Variants in ANKRD44 observed in about 807,000 individuals in gnomAD.
The protein encoded by ANKRD44 is serine/threonine-protein phosphatase 6 regulatory ankyrin repeat subunit B.
Under a neutral mutation model 116.0 loss-of-function variants are expected in ANKRD44, and 35 were observed. That is an observed-to-expected ratio of 0.30 (90% CI 0.23 to 0.40). ANKRD44 has a LOEUF of 0.40. ANKRD44 is among the 10% of genes least tolerant of loss of function. The pLI, the probability that ANKRD44 is intolerant of heterozygous loss-of-function variation, is 1.00. For missense variants in ANKRD44, 1,014 were observed against 1,242.6 expected, an observed-to-expected ratio of 0.82 and a Z score of 2.77; for synonymous variants, 435 against 461.8, an observed-to-expected ratio of 0.94 and a Z score of 0.74.
At chr2:197,231,432 A>T (rs116803931) in intron 1 of ANKRD44, among the ~76,000 whole-genome samples, 4,776 of 148,112 alleles carry the variant, frequency 0.032, 106 homozygotes, top group South Asian at 0.075. Flanking sequence ...TTAACTCTTT[A>T]AAAAAAAAAA....
intron 1 of ANKRD44, among the ~76,000 whole-genome samples, chr2:197,233,558 G>T (rs1363063701): frequency 2.6e-5 from 4 of 152,124 alleles, no homozygotes; most frequent in African/African-American, 9.7e-5. Context: ...AGAGACTGTG[G>T]TCTCACTATG....
At chr2:197,121,861 T>A (rs1343014357) in intron 7 of ANKRD44, among the ~76,000 whole-genome samples, 1 of 151,856 alleles carries the variant, frequency 6.6e-6, no homozygotes, top group Non-Finnish European at 1.5e-5. Flanking sequence ...GAGAAGTAAA[T>A]CAGAGGAGAA....
intron 1 of ANKRD44, among the ~76,000 whole-genome samples, chr2:197,220,469 A>C (rs1574301320): frequency 1.3e-5 from 2 of 152,158 alleles, no homozygotes; most frequent in Non-Finnish European, 2.9e-5. Flanking sequence ...TTTCAAGATG[A>C]GAAATATGAT....
chr2:197,297,669 C>G (rs1271946936), intron 1 of ANKRD44, among the ~76,000 whole-genome samples: 2 of 152,172 alleles, frequency 1.3e-5, no homozygotes, highest in Non-Finnish European at 2.9e-5. Context: ...CTTTAGTATT[C>G]TAAATATACA....
chr2:197,275,206 G>A (rs546677364), intron 1 of ANKRD44, among the ~76,000 whole-genome samples: 15 of 151,456 alleles, frequency 9.9e-5, no homozygotes, highest in South Asian at 8.3e-4. Flanking sequence ...CCTCAACCTC[G>A]CGGGCTCAAG....
At chr2:197,269,561 A>C (rs1051674358) in intron 1 of ANKRD44, among the ~76,000 whole-genome samples, 6 of 152,112 alleles carry the variant, frequency 3.9e-5, no homozygotes, top group African/African-American at 1.4e-4. Flanking sequence ...GGGGCAGGGG[A>C]AGAAGGAGAA....
intron 2 of ANKRD44, among the ~76,000 whole-genome samples, chr2:197,154,595 C>T (rs896408267): frequency 4.6e-5 from 7 of 152,144 alleles, no homozygotes; most frequent in African/African-American, 1.7e-4. Flanking sequence ...GGTTATTAGT[C>T]TTTTCCTTGT....
chr2:197,089,120 A>G (rs1411085149), intron 11 of ANKRD44, among the ~76,000 whole-genome samples: 1 of 152,238 alleles, frequency 6.6e-6, no homozygotes, highest in East Asian at 1.9e-4. Flanking sequence ...ATAGAAGCAA[A>G]GGAATAATCT....
At chr2:197,099,644 G>A in intron 10 of ANKRD44, 172 bp downstream of exon 10, 1 of 1,311,964 alleles carries the variant, frequency 7.6e-7, no homozygotes, top group South Asian at 2.4e-5. Context: ...GTTCTTCTTT[G>A]CCTCTGTCAT....
intron 1 of ANKRD44, among the ~76,000 whole-genome samples, chr2:197,298,861 G>A (rs2083806383): frequency 6.6e-6 from 1 of 151,934 alleles, no homozygotes; most frequent in Non-Finnish European, 1.5e-5. Flanking sequence ...AGGCTGCAGT[G>A]AGCTGTGATC....
chr2:197,146,838 G>A (rs1028897406), intron 3 of ANKRD44, among the ~76,000 whole-genome samples, 189 bp downstream of exon 3: 1 of 152,110 alleles, frequency 6.6e-6, no homozygotes, highest in Non-Finnish European at 1.5e-5. Flanking sequence ...AAATGTTACT[G>A]GAGAAGTCAT....
chr2:196,999,094 T>A, intron 23 of ANKRD44, 42 bp from the exon 24 acceptor site: 1 of 1,603,962 alleles, frequency 6.2e-7, no homozygotes, highest in African/African-American at 1.3e-5. Flanking sequence ...TCCTTTAAAC[T>A]TTATTCTCGC....
chr2:197,216,507 A>G (rs1322143555), intron 1 of ANKRD44, among the ~76,000 whole-genome samples: 1 of 152,160 alleles, frequency 6.6e-6, no homozygotes, highest in Non-Finnish European at 1.5e-5. Context: ...GAAACTGTTC[A>G]TCGAGACATT....
At chr2:197,029,658 A>G in intron 16 of ANKRD44, 1 of 313,006 alleles carries the variant, frequency 3.2e-6, no homozygotes, top group Non-Finnish European at 6.1e-6. Flanking sequence ...CATTATCCTC[A>G]TTACAGGCAA....
intron 2 of ANKRD44, among the ~76,000 whole-genome samples, chr2:197,159,569 T>C (rs562743823): frequency 6.6e-6 from 1 of 152,378 alleles, no homozygotes; most frequent in East Asian, 1.9e-4. Flanking sequence ...TTATTTCCTG[T>C]CCAAAGACTT....
chr2:197,125,006 A>C (rs2078942767), intron 6 of ANKRD44, among the ~76,000 whole-genome samples: 1 of 152,206 alleles, frequency 6.6e-6, no homozygotes, highest in South Asian at 2.1e-4. Flanking sequence ...TATAAATTTA[A>C]AAAGACGAAT....
intron 1 of ANKRD44, among the ~76,000 whole-genome samples, chr2:197,287,986 C>T (rs1306012331): frequency 2.8e-5 from 4 of 144,950 alleles, no homozygotes; most frequent in African/African-American, 1.0e-4. Flanking sequence ...CATCATTGCA[C>T]TCCAGCCTGG....
chr2:197,291,297 G>A (rs1445796441), intron 1 of ANKRD44, among the ~76,000 whole-genome samples: 2 of 152,138 alleles, frequency 1.3e-5, no homozygotes, highest in Non-Finnish European at 2.9e-5. Flanking sequence ...ATCACCTGAG[G>A]TCAGCAGTTC....
At chr2:197,102,290 G>A (rs1001228949) in intron 9 of ANKRD44, among the ~76,000 whole-genome samples, 1 of 152,154 alleles carries the variant, frequency 6.6e-6, no homozygotes, top group African/African-American at 2.4e-5. Flanking sequence ...TCATATGTAT[G>A]TTGCTTCATA....
Sources: allele counts gnomAD v4.1 joint callset (sites outside exome capture counted in the v4.1 genomes callset), GRCh38; gene constraint gnomAD v4.1.1; transcripts MANE v1.5; gene names NCBI Gene and HGNC (gene_info 2026-07-23, HGNC 2026-07-21).